The following SCUBE1 variants were observed in gnomAD, a reference collection of about 807,000 sequenced individuals.
SCUBE1 encodes the protein signal peptide, CUB and EGF-like domain-containing protein 1.
A neutral mutation model predicts 124.4 loss-of-function variants in SCUBE1; 59 were observed. The observed-to-expected ratio is 0.47, with a 90% CI of 0.38 to 0.59. The LOEUF (loss-of-function observed/expected upper bound fraction) is 0.59. Ranked by LOEUF, SCUBE1 falls within the 20% of genes least tolerant of loss-of-function variation. The pLI, the probability that SCUBE1 is intolerant of heterozygous loss-of-function variation, is 0.00. For synonymous variants in SCUBE1, 545 were observed against 550.9 expected, an observed-to-expected ratio of 0.99 and a Z score of 0.15; for missense variants, 1,150 against 1,371.2, an observed-to-expected ratio of 0.84 and a Z score of 2.55.
At chr22:43,226,832 C>A (rs1251617743) in intron 10 of SCUBE1, among the ~76,000 whole-genome samples, 1 of 152,070 alleles carries the variant, frequency 6.6e-6, no homozygotes, top group Non-Finnish European at 1.5e-5. Context: ...CCGTCCAGAA[C>A]TCAGCCTAGG....
intron 9 of SCUBE1, among the ~76,000 whole-genome samples, chr22:43,228,192 A>G (rs1376851691): frequency 6.6e-6 from 1 of 152,168 alleles, no homozygotes; most frequent in Non-Finnish European, 1.5e-5. Context: ...AGGTCACAGA[A>G]AAGGAAGAGA....
At chr22:43,336,891 TGAGCTGGGGCTCACAAACATA>T (rs1411219562) in intron 2 of SCUBE1, among the ~76,000 whole-genome samples, 1 of 152,174 alleles carries the variant, frequency 6.6e-6, no homozygotes, top group African/African-American at 2.4e-5. Flanking sequence ...GCGGAAAATC[TGAGCTGGGGCTCACAAACATA>T]GAGCAACCAA....
chr22:43,328,151 A>G (rs1926787609), intron 2 of SCUBE1, among the ~76,000 whole-genome samples: 1 of 152,184 alleles, frequency 6.6e-6, no homozygotes, highest in African/African-American at 2.4e-5. Flanking sequence ...AGACCAGTTA[A>G]TTATTTCCTT....
intron 4 of SCUBE1, chr22:43,283,878 C>T (rs568453234): frequency 7.2e-4 from 109 of 152,364 alleles, no homozygotes; most frequent in African/African-American, 2.6e-3. Context: ...CCCTTGCAAA[C>T]TTACAGATGA....
At chr22:43,241,075 CCAAA>C (rs749412459) in intron 6 of SCUBE1, among the ~76,000 whole-genome samples, 65 of 152,216 alleles carry the variant, frequency 4.3e-4, no homozygotes, top group Non-Finnish European at 8.1e-4. Context: ...ACAGACCCGG[CCAAA>C]CAGACTCCAA....
intron 4 of SCUBE1, among the ~76,000 whole-genome samples, chr22:43,269,960 C>T (rs1469940405): frequency 6.6e-6 from 1 of 152,190 alleles, no homozygotes; most frequent in Non-Finnish European, 1.5e-5. Flanking sequence ...GCCAGGCCTA[C>T]CACACACCAG....
chr22:43,297,154 C>G (rs930938854), intron 3 of SCUBE1, among the ~76,000 whole-genome samples: 7 of 152,246 alleles, frequency 4.6e-5, no homozygotes, highest in Non-Finnish European at 7.3e-5. Flanking sequence ...AAGGGTCTGA[C>G]CAAGGCTGCT....
chr22:43,205,224 C>T lies in SCUBE1; in HGVS notation c.2815-1075G>A, dbSNP rs954906979. On this transcript the variant is annotated intron_variant, in intron 21 of 21. Coordinates refer to ENST00000360835, the MANE Select transcript of SCUBE1 (RefSeq NM_173050.5). ...GCGTGAGCAGAGAACCTCTCCTCAG[C>T]GGTGCTCAGTACAGGTTTGCTGCAG... Among the ~76,000 whole-genome samples, 17 of 152,120 alleles carry T rather than the reference C, an allele frequency of 1.1e-4. 1 individual carries two copies. Among genetic ancestry groups the T allele is most frequent in the Admixed American group, 9.2e-4 (14 of 15,278 alleles).
At chr22:43,339,037 G>A in intron 2 of SCUBE1, 67 bp downstream of exon 2, 1 of 1,586,060 alleles carries the variant, frequency 6.3e-7, no homozygotes, top group Non-Finnish European at 8.6e-7. Flanking sequence ...GAATGGGGCA[G>A]GCATCGGCCA....
chr22:43,266,556 A>G (rs1197332277), intron 4 of SCUBE1, among the ~76,000 whole-genome samples: 2 of 152,118 alleles, frequency 1.3e-5, no homozygotes. Context: ...TGTCTATCTT[A>G]TAGAGACAGA....
intron 3 of SCUBE1, among the ~76,000 whole-genome samples, chr22:43,296,713 A>C (rs940846283): frequency 6.6e-6 from 1 of 152,114 alleles, no homozygotes; most frequent in African/African-American, 2.4e-5. Context: ...TTGATGTACA[A>C]CTGTATCTGT....
rs140616203 is a variant in SCUBE1, at chr22:43,285,208, C to T, written c.484+5838G>A. ...TTGTCTGGCCCCCTGCCTGGCCCAACCACATGGTCCACCAGCCCACACTGA... is the reference window on the plus strand; with the variant it reads ...TTGTCTGGCCCCCTGCCTGGCCCAATCACATGGTCCACCAGCCCACACTGA... On this transcript the variant is annotated intron_variant, in intron 4 of 21. Coordinates refer to ENST00000360835, the MANE Select transcript of SCUBE1 (RefSeq NM_173050.5). Among the ~76,000 whole-genome samples the T allele has an allele frequency of 1.5e-3, 226 of 152,272 alleles. 1 individual carries two copies. The highest frequency in any genetic ancestry group is 5.3e-3 in the African/African-American group (220 of 41,556).
At chr22:43,298,073 C>T (rs956336240) in intron 3 of SCUBE1, among the ~76,000 whole-genome samples, 6 of 152,242 alleles carry the variant, frequency 3.9e-5, no homozygotes, top group East Asian at 3.8e-4. Flanking sequence ...TTCAGAAGGG[C>T]GGCTTAGGCA....
intron 4 of SCUBE1, among the ~76,000 whole-genome samples, chr22:43,277,257 C>A (rs1218962972): frequency 2.0e-5 from 3 of 152,022 alleles, no homozygotes; most frequent in Non-Finnish European, 4.4e-5. Flanking sequence ...CATGACATGC[C>A]AAGCAAGGAC....
chr22:43,296,348 A>G (rs569812793), intron 3 of SCUBE1, among the ~76,000 whole-genome samples: 22 of 152,294 alleles, frequency 1.4e-4, no homozygotes, highest in South Asian at 4.1e-4. Context: ...CCTGTTTCCA[A>G]TCCGGGGTCC....
intron 6 of SCUBE1, among the ~76,000 whole-genome samples, chr22:43,246,187 T>C (rs1230357979): frequency 6.6e-6 from 1 of 152,074 alleles, no homozygotes; most frequent in Admixed American, 6.5e-5. Flanking sequence ...CAGTGGCCAG[T>C]CTCCCCCTGC....
At chr22:43,297,345 G>C (rs996962408) in intron 3 of SCUBE1, among the ~76,000 whole-genome samples, 3 of 152,238 alleles carry the variant, frequency 2.0e-5, no homozygotes, top group Non-Finnish European at 4.4e-5. Flanking sequence ...GGCTGGAACA[G>C]GACATGGCAC....
At chr22:43,298,024 G>A (rs1569019366) in intron 3 of SCUBE1, among the ~76,000 whole-genome samples, 1 of 152,212 alleles carries the variant, frequency 6.6e-6, no homozygotes, top group Non-Finnish European at 1.5e-5. Flanking sequence ...CTCCCACCTG[G>A]TCCCAGGGGG....
chr22:43,223,087 C>T lies in SCUBE1; in HGVS notation c.1327+10G>A. The T allele has an allele frequency of 6.6e-7, 1 of 1,526,270 alleles. No homozygotes were observed. Among genetic ancestry groups the T allele is most frequent in the Middle Eastern group, 1.7e-4 (1 of 5,748 alleles). 94.5% of individuals were successfully genotyped at this position (1,526,270 alleles called of 1,614,324 possible). ...CCACAGCATCCCATCTCAGGGACGGCCCGGGTTACCTGGCACGAAGAGTGT... is the reference window on the plus strand; with the variant it reads ...CCACAGCATCCCATCTCAGGGACGGTCCGGGTTACCTGGCACGAAGAGTGT... On this transcript the variant is annotated intron_variant, in intron 11 of 21. Transcript: ENST00000360835.
Sources: gnomAD v4.1 joint callset for allele counts (sites outside exome capture counted in the v4.1 genomes callset) on GRCh38, gnomAD v4.1.1 for gene constraint, MANE v1.5 for transcripts, NCBI Gene and HGNC (gene_info 2026-07-23, HGNC 2026-07-21) for gene names.